The following CPQ variants were observed in gnomAD, a reference collection of about 807,000 sequenced individuals.
The protein encoded by CPQ is Ser-Met dipeptidase.
In CPQ, 37 loss-of-function variants were observed where a neutral mutation model predicts 45.7. The observed-to-expected ratio is 0.81, with a 90% CI of 0.62 to 1.07. The LOEUF is 1.07. Among genes scored for constraint, CPQ ranks in the 50% least tolerant of loss-of-function variants. The pLI is 0.00. For synonymous variants in CPQ, 186 were observed against 205.8 expected, an observed-to-expected ratio of 0.90 and a Z score of 0.82; for missense variants, 537 against 572.9, an observed-to-expected ratio of 0.94 and a Z score of 0.64.
At chr8:97,065,290 G>T (rs879708434) in intron 6 of CPQ, among the ~76,000 whole-genome samples, 1 of 152,152 alleles carries the variant, frequency 6.6e-6, no homozygotes, top group Admixed American at 6.5e-5. Context: ...AATTTGTGCC[G>T]TGACAATATT....
intron 7 of CPQ, among the ~76,000 whole-genome samples, chr8:97,135,417 T>A (rs937068166): frequency 6.6e-6 from 1 of 152,154 alleles, no homozygotes; most frequent in Non-Finnish European, 1.5e-5. Context: ...TTTAATACAG[T>A]AGGGATTAAA....
intron 1 of CPQ, among the ~76,000 whole-genome samples, chr8:96,783,287 T>C (rs1312174882): frequency 3.4e-5 from 5 of 147,622 alleles, no homozygotes; most frequent in Non-Finnish European, 7.5e-5. Flanking sequence ...GTGTGTGTGC[T>C]GCTTTAACAG....
chr8:96,969,042 C>T (rs1448528194), intron 5 of CPQ, among the ~76,000 whole-genome samples: 2 of 152,182 alleles, frequency 1.3e-5, no homozygotes, highest in African/African-American at 4.8e-5. Context: ...CCAAAATGCT[C>T]ATTTGGCACT....
At chr8:96,859,014 T>C (rs754896292) in intron 3 of CPQ, among the ~76,000 whole-genome samples, 1 of 152,210 alleles carries the variant, frequency 6.6e-6, no homozygotes, top group Non-Finnish European at 1.5e-5. Context: ...CATTCATGTA[T>C]TTCTAACTCT....
intron 7 of CPQ, among the ~76,000 whole-genome samples, chr8:97,115,034 C>CTT (rs751478497): frequency 1.1e-4 from 16 of 152,184 alleles, no homozygotes; most frequent in Non-Finnish European, 1.6e-4. Flanking sequence ...AGTTTTCTCC[C>CTT]TTCTTTTCTT....
intron 2 of CPQ, among the ~76,000 whole-genome samples, chr8:96,795,054 C>T (rs1439428276): frequency 6.6e-6 from 1 of 152,194 alleles, no homozygotes; most frequent in Non-Finnish European, 1.5e-5. Context: ...TACCCAGTTC[C>T]AAAGTTGCTT....
intron 1 of CPQ, among the ~76,000 whole-genome samples, chr8:96,655,066 TTTTG>T (rs1815622830): frequency 6.6e-6 from 1 of 152,096 alleles, no homozygotes; most frequent in Non-Finnish European, 1.5e-5. Flanking sequence ...ATGCCTCCAG[TTTTG>T]TTTGTTTTAT....
intron 1 of CPQ, among the ~76,000 whole-genome samples, chr8:96,695,238 T>G (rs1226471019): frequency 1.3e-5 from 2 of 149,352 alleles, no homozygotes; most frequent in African/African-American, 2.5e-5. Context: ...GCTAGCCATA[T>G]GTAGAAAGCT....
chr8:97,139,849 CA>C (rs1812126751), intron 7 of CPQ, among the ~76,000 whole-genome samples: 1 of 151,416 alleles, frequency 6.6e-6, no homozygotes, highest in Non-Finnish European at 1.5e-5. Flanking sequence ...CAAATAAATC[CA>C]AAGAAAGGAG....
At chr8:96,746,836 C>T (rs1810191293) in intron 1 of CPQ, among the ~76,000 whole-genome samples, 1 of 152,188 alleles carries the variant, frequency 6.6e-6, no homozygotes, top group South Asian at 2.1e-4. Flanking sequence ...GAAACTGAGA[C>T]ATCAGGAGGC....
At chr8:96,712,836 CT>C in intron 1 of CPQ, among the ~76,000 whole-genome samples, 1 of 152,032 alleles carries the variant, frequency 6.6e-6, no homozygotes, top group African/African-American at 2.4e-5. Context: ...CCCCTTGTTA[CT>C]TTTGCAAGTT....
intron 3 of CPQ, among the ~76,000 whole-genome samples, chr8:96,872,843 CA>C (rs757339824): frequency 4.6e-5 from 7 of 151,932 alleles, no homozygotes; most frequent in Non-Finnish European, 8.8e-5. Context: ...TTCTAGCTCA[CA>C]AAACATTAAG....
chr8:96,783,267 G>T (rs988300249), intron 1 of CPQ, among the ~76,000 whole-genome samples: 1 of 152,034 alleles, frequency 6.6e-6, no homozygotes, highest in African/African-American at 2.4e-5. Context: ...GTGAGTGTGT[G>T]TGTGTGTGTG....
At chr8:96,734,152 A>T (rs1211139563) in intron 1 of CPQ, among the ~76,000 whole-genome samples, 2 of 152,118 alleles carry the variant, frequency 1.3e-5, no homozygotes, top group Admixed American at 1.3e-4. Context: ...GTTATTTGAG[A>T]CACATCATCT....
At chr8:97,116,533 T>A (rs944620555) in intron 7 of CPQ, among the ~76,000 whole-genome samples, 1 of 152,092 alleles carries the variant, frequency 6.6e-6, no homozygotes, top group African/African-American at 2.4e-5. Context: ...TTTTCCAAAT[T>A]TTTAGAAATT....
intron 1 of CPQ, among the ~76,000 whole-genome samples, chr8:96,781,743 A>G (rs1158752321): frequency 6.6e-6 from 1 of 152,184 alleles, no homozygotes; most frequent in Non-Finnish European, 1.5e-5. Context: ...ATTCATTCTG[A>G]GGCAAATTCC....
At chr8:96,768,318 T>C (rs181947299) in intron 1 of CPQ, among the ~76,000 whole-genome samples, 360 of 151,554 alleles carry the variant, frequency 2.4e-3, no homozygotes, top group African/African-American at 8.3e-3. Context: ...CTTTGATTAA[T>C]GCCTGACCAT....
At chr8:96,943,904 G>A (rs1360728219) in intron 4 of CPQ, among the ~76,000 whole-genome samples, 2 of 152,088 alleles carry the variant, frequency 1.3e-5, no homozygotes, top group Non-Finnish European at 2.9e-5. Context: ...GGAAGGTTTT[G>A]TACATTAATA....
intron 3 of CPQ, among the ~76,000 whole-genome samples, chr8:96,867,001 A>T (rs904953941): frequency 1.3e-5 from 2 of 152,110 alleles, no homozygotes; most frequent in African/African-American, 4.8e-5. Flanking sequence ...TACATCAACT[A>T]AATACTGCAT....
Sources: gnomAD v4.1 joint callset for allele counts (sites outside exome capture counted in the v4.1 genomes callset) on GRCh38, gnomAD v4.1.1 for gene constraint, MANE v1.5 for transcripts, NCBI Gene and HGNC (gene_info 2026-07-23, HGNC 2026-07-21) for gene names.